FREM2: variants seen among roughly 807,000 people sequenced by gnomAD.
The protein encoded by FREM2 is FRAS1-related extracellular matrix protein 2.
Under a neutral mutation model 219.9 loss-of-function variants are expected in FREM2, and 119 were observed. The observed-to-expected ratio is 0.54, with a 90% CI of 0.47 to 0.63. The LOEUF is 0.63. FREM2 is among the 30% of genes least tolerant of loss of function. The pLI is 0.00. For synonymous variants in FREM2, 1,562 were observed against 1,522.8 expected (o/e 1.03, Z -0.60); for missense variants, 4,030 against 3,993.6 (o/e 1.01, Z -0.25).
In FREM2 at chr13:38,874,125, A is replaced by G. The variant is rs188365806; in HGVS notation, c.8177-357A>G. On this transcript the variant is annotated intron_variant, in intron 17 of 23. Coordinates refer to ENST00000280481, the MANE Select transcript of FREM2 (RefSeq NM_207361.6). ...TTAGGAATAATTCTGGATAACTCAA[A>G]CCTATTTCTATTTACATGTCCGAAT... Among the ~76,000 whole-genome samples the G allele has an allele frequency of 2.2e-3, 333 of 152,246 alleles. 2 individuals carry two copies. The highest frequency in any genetic ancestry group is 4.0e-3 in the Admixed American group (61 of 15,294).
intron 2 of FREM2, among the ~76,000 whole-genome samples, chr13:38,703,393 A>G (rs918109123): frequency 2.6e-5 from 4 of 152,182 alleles, no homozygotes; most frequent in Non-Finnish European, 5.9e-5. Context: ...TTATAATAAG[A>G]TGGTGAAGTA....
intron 2 of FREM2, among the ~76,000 whole-genome samples, chr13:38,736,471 A>G (rs925938131): frequency 2.0e-5 from 3 of 152,228 alleles, no homozygotes; most frequent in African/African-American, 7.2e-5. Context: ...ATATTTCATT[A>G]TAAGATTTTA....
At chr13:38,705,572 T>C (rs1207991352) in intron 2 of FREM2, among the ~76,000 whole-genome samples, 3 of 152,218 alleles carry the variant, frequency 2.0e-5, no homozygotes, top group Non-Finnish European at 4.4e-5. Flanking sequence ...GACGTGACCC[T>C]GAGCCAAGTG....
intron 2 of FREM2, among the ~76,000 whole-genome samples, chr13:38,759,404 G>C (rs946454770): frequency 1.3e-5 from 2 of 148,568 alleles, no homozygotes; most frequent in Non-Finnish European, 3.0e-5. Context: ...GGGCAGCCCT[G>C]AGCTTTTAGG....
chr13:38,840,477 A>G (rs1876907489), intron 6 of FREM2, among the ~76,000 whole-genome samples: 1 of 149,514 alleles, frequency 6.7e-6, no homozygotes, highest in Non-Finnish European at 1.5e-5. Context: ...GCTGGAGTGC[A>G]ATGGTGCAAT....
rs779035996 is a variant in FREM2, at chr13:38,859,563, C to A, written c.7492C>A (p.Pro2498Thr). ...GGATGAAGGCCTGGAGCTCATGAGC[C>A]CTATTGTAACCATCAGCAGAGAAGA... ...NGDEGLELMSPIVTISREEGL... is the reference protein window; with the variant it reads ...NGDEGLELMSTIVTISREEGL... Residue 2498 changes from proline (P) to threonine (T), a missense_variant, in exon 14 of 24, where the codon CCT becomes ACT. Physicochemically the swap from Pro to Thr is conservative, Grantham distance 38. This residue lies in a region of FREM2 where 928 missense variants were observed against 1,042.9 expected (regional missense o/e 0.89). Coordinates refer to ENST00000280481, the MANE Select transcript of FREM2 (RefSeq NM_207361.6). 1.2e-5 allele frequency: 20 copies of A among 1,613,810 alleles called. No individual in the cohort carries two copies. In the South Asian group the frequency reaches 2.2e-4, roughly 18 times the overall value.
At chr13:38,737,571 A>C (rs1872049933) in intron 2 of FREM2, among the ~76,000 whole-genome samples, 1 of 152,252 alleles carries the variant, frequency 6.6e-6, no homozygotes, top group South Asian at 2.1e-4. Flanking sequence ...ACTGTTAAGA[A>C]TGTTACAAGA....
At position 38,872,789 on chromosome 13, in the gene FREM2, T is replaced by C; in HGVS notation, c.8031T>C (p.Tyr2677=). The part of the protein sequence containing the change: ...QSYVTLRVPL[Y]VSYVFHSPVG... ...ATGTGACCCTTCGAGTCCCTCTGTA[T>C]GTTTCCTACGTGTTCCATTCCCCCG... Residue 2677 remains tyrosine (Y), a synonymous_variant, in exon 17 of 24, where the codon TAT becomes TAC. Transcript: ENST00000280481. 1.2e-6 allele frequency: 2 copies of C among 1,614,094 alleles called. No homozygotes were observed. The highest frequency in any genetic ancestry group is 1.7e-6 in the Non-Finnish European group (2 of 1,179,946).
chr13:38,728,839 T>G (rs1320703981), intron 2 of FREM2, among the ~76,000 whole-genome samples: 3 of 152,102 alleles, frequency 2.0e-5, no homozygotes, highest in Non-Finnish European at 4.4e-5. Flanking sequence ...TTTATTTATT[T>G]ATTTATTTAT....
chr13:38,855,686 G>A (rs961921478), intron 11 of FREM2, among the ~76,000 whole-genome samples: 1 of 152,082 alleles, frequency 6.6e-6, no homozygotes, highest in Non-Finnish European at 1.5e-5. Flanking sequence ...CTATGAGGAT[G>A]CAAAGGCATA....
intron 14 of FREM2, 133 bp downstream of exon 14, chr13:38,859,723 C>T (rs933072057): frequency 1.1e-6 from 1 of 927,634 alleles, no homozygotes; most frequent in Non-Finnish European, 1.7e-6. Flanking sequence ...AAATTAAAAT[C>T]TATTTTTACA....
chr13:38,858,101 T>C (rs1877628842), intron 13 of FREM2, 68 bp downstream of exon 13: 6 of 1,315,768 alleles, frequency 4.6e-6, no homozygotes, highest in Non-Finnish European at 4.4e-6. Context: ...ATAATCAATA[T>C]AGCATTGGCT....
intron 6 of FREM2, among the ~76,000 whole-genome samples, chr13:38,838,423 T>G (rs1876807036): frequency 6.6e-6 from 1 of 152,216 alleles, no homozygotes. Context: ...TTGGTGAATC[T>G]GAAGATTATA....
chr13:38,831,302 G>A (rs1210331326), intron 6 of FREM2, among the ~76,000 whole-genome samples: 3 of 152,104 alleles, frequency 2.0e-5, no homozygotes, highest in Non-Finnish European at 4.4e-5. Flanking sequence ...AAATTTTGAT[G>A]ACTGTGATGC....
At chr13:38,843,623 A>G (rs12869876) in intron 6 of FREM2, among the ~76,000 whole-genome samples, 18,796 of 152,140 alleles carry the variant, frequency 0.12, 1,404 homozygotes, top group Admixed American at 0.21. Flanking sequence ...TGTTCCAGGA[A>G]CATCTTGCTA....
chr13:38,868,285 G>C (rs887587571), intron 16 of FREM2, among the ~76,000 whole-genome samples: 2 of 152,176 alleles, frequency 1.3e-5, no homozygotes, highest in Non-Finnish European at 2.9e-5. Flanking sequence ...AACAATAACA[G>C]TAAGCACAAT....
intron 2 of FREM2, among the ~76,000 whole-genome samples, chr13:38,702,505 A>G (rs1271761276): frequency 6.6e-6 from 1 of 152,178 alleles, no homozygotes; most frequent in African/African-American, 2.4e-5. Context: ...AAGTATCTCT[A>G]GTTTTCATTA....
Position 38,804,450 on chromosome 13 carries a change from A to G in FREM2, c.6019+19642A>G, listed in dbSNP as rs1454799715. 8.5e-5 allele frequency among the ~76,000 whole-genome samples: 13 copies of G among 152,248 alleles called. No homozygotes were observed. In the East Asian group the frequency reaches 2.5e-3, roughly 29 times the overall value. On this transcript the variant is annotated intron_variant, in intron 6 of 23. Transcript: ENST00000280481. ...ATATCCAATGTCAAAAACTACATGCATGTAGCAAATCTTTGCTCTGCACAT... is the reference window on the plus strand; with the variant it reads ...ATATCCAATGTCAAAAACTACATGCGTGTAGCAAATCTTTGCTCTGCACAT...
Position 38,800,836 on chromosome 13 carries a change from G to T in FREM2, c.6019+16028G>T, listed in dbSNP as rs1232669982. Among the ~76,000 whole-genome samples the T allele has an allele frequency of 2.0e-5, 3 of 152,074 alleles. No individual in the cohort carries two copies. The East Asian group carries it at 5.8e-4, about 29-fold the overall frequency. The stretch of plus-strand genomic sequence containing the variant: ...GTAGAAATGGGGTTTCACCATGTTG[G>T]CCAGCCTAGTGTCGAACTCCTGACC... On this transcript the variant is annotated intron_variant, in intron 6 of 23. Coordinates refer to ENST00000280481, the MANE Select transcript of FREM2 (RefSeq NM_207361.6).
Sources: gnomAD v4.1 joint callset for allele counts (sites outside exome capture counted in the v4.1 genomes callset) on GRCh38, gnomAD v4.1.1 for gene constraint, gnomAD v4.1.1 regional missense constraint, MANE v1.5 for transcripts, NCBI Gene and HGNC (gene_info 2026-07-23, HGNC 2026-07-21) for gene names.